The following RBM33 variants were observed in gnomAD, a reference collection of about 807,000 sequenced individuals.
RBM33 encodes RNA binding motif protein 33, also known as RNA-binding protein 33.
A neutral mutation model predicts 132.6 loss-of-function variants in RBM33; 28 were observed. The ratio of observed to expected loss-of-function variants is 0.21; its 90% CI spans 0.16 to 0.29. RBM33 has a LOEUF of 0.29. Ranked by LOEUF, RBM33 falls within the 10% of genes least tolerant of loss-of-function variation. The pLI is 1.00. For missense variants in RBM33, 1,291 were observed against 1,518.5 expected, an observed-to-expected ratio of 0.85 and a Z score of 2.49; for synonymous variants, 634 against 593.0, an observed-to-expected ratio of 1.07 and a Z score of -1.01.
intron 1 of RBM33, among the ~76,000 whole-genome samples, chr7:155,656,655 A>G (rs536855515): frequency 8.0e-4 from 122 of 152,364 alleles, no homozygotes; most frequent in African/African-American, 2.8e-3. Context: ...AGAAGAATTC[A>G]GCTGTTTTCT....
chr7:155,693,565 T>C (rs1277601294), intron 5 of RBM33, among the ~76,000 whole-genome samples: 1 of 152,144 alleles, frequency 6.6e-6, no homozygotes, highest in African/African-American at 2.4e-5. Context: ...GTATATTTAC[T>C]TTTTTTATCC....
In RBM33 at chr7:155,662,834, G is replaced by A. The variant is rs10215792; in HGVS notation, c.44-2341G>A. Among the ~76,000 whole-genome samples, 26 of 152,256 alleles carry A rather than the reference G, an allele frequency of 1.7e-4. No homozygotes were observed. In the East Asian group the frequency reaches 2.9e-3, roughly 17 times the overall value. The stretch of plus-strand genomic sequence containing the variant: ...TGGGGGTGGGATGGAAAATGCGGAC[G>A]AGGTCCTTGTCCTCCAGCTGGGAGC... On this transcript the variant is annotated intron_variant, in intron 1 of 17. Coordinates refer to ENST00000401878, the MANE Select transcript of RBM33 (RefSeq NM_053043.3).
At chr7:155,764,649 T>C (rs558423638) in intron 15 of RBM33, among the ~76,000 whole-genome samples, 1 of 152,346 alleles carries the variant, frequency 6.6e-6, no homozygotes, top group South Asian at 2.1e-4. Flanking sequence ...CCTCAGCTTC[T>C]AGTGAGGCAT....
rs779502819 is a variant in RBM33 at position 155,672,826 on chromosome 7, A to C, written c.123-41A>C. On this transcript the variant is annotated intron_variant, in intron 2 of 17. Coordinates refer to ENST00000401878, the MANE Select transcript of RBM33 (RefSeq NM_053043.3). The stretch of plus-strand genomic sequence containing the variant: ...AGTGATCTACAAACTTGCAAGTCTT[A>C]TGGGAATAATCATTGACATGTCTCT... The C allele has an allele frequency of 5.5e-6, 8 of 1,441,850 alleles. No homozygotes were observed. In the South Asian group the frequency reaches 7.5e-5, roughly 13 times the overall value. The allele number at this position is 1,441,850 out of a possible 1,614,324, so 89.3% of individuals were successfully genotyped here. A position where few individuals can be genotyped will look rare whatever the true frequency, so the allele number is the denominator to read the frequency against.
chr7:155,678,244 C>T (rs1799239674), intron 3 of RBM33, among the ~76,000 whole-genome samples: 1 of 152,176 alleles, frequency 6.6e-6, no homozygotes, highest in African/African-American at 2.4e-5. Context: ...TGGATATTAG[C>T]ATGTTAAATT....
At chr7:155,691,482 C>G (rs1024489978) in intron 5 of RBM33, among the ~76,000 whole-genome samples, 1 of 151,924 alleles carries the variant, frequency 6.6e-6, no homozygotes, top group Non-Finnish European at 1.5e-5. Flanking sequence ...TTTGTTTTTC[C>G]TTGTAATTTA....
intron 5 of RBM33, among the ~76,000 whole-genome samples, chr7:155,691,617 T>G (rs1039122348): frequency 3.3e-5 from 5 of 152,208 alleles, no homozygotes; most frequent in African/African-American, 1.2e-4. Context: ...ACGTAAACTT[T>G]TATTGCAAGG....
chr7:155,667,006 T>A (rs1798818756), intron 2 of RBM33, among the ~76,000 whole-genome samples: 1 of 152,176 alleles, frequency 6.6e-6, no homozygotes, highest in Non-Finnish European at 1.5e-5. Flanking sequence ...GACCTTCTCT[T>A]ACACTCATGA....
chr7:155,663,369 G>A (rs1343671991), intron 1 of RBM33, among the ~76,000 whole-genome samples: 1 of 152,054 alleles, frequency 6.6e-6, no homozygotes, highest in Non-Finnish European at 1.5e-5. Context: ...CGCCTGCTCA[G>A]TTTCTGGGGA....
chr7:155,740,962 A>G (rs559541865), intron 12 of RBM33, among the ~76,000 whole-genome samples: 2 of 152,186 alleles, frequency 1.3e-5, no homozygotes, highest in South Asian at 2.1e-4. Flanking sequence ...TTCTTTTGGT[A>G]TTGTCTTCTT....
intron 6 of RBM33, among the ~76,000 whole-genome samples, chr7:155,702,103 A>G (rs950507082): frequency 6.6e-6 from 1 of 152,216 alleles, no homozygotes; most frequent in South Asian, 2.1e-4. Flanking sequence ...AGGAGGACAC[A>G]GGGGCTCTGC....
intron 1 of RBM33, among the ~76,000 whole-genome samples, chr7:155,650,928 G>A (rs1367462639): frequency 6.6e-6 from 1 of 152,122 alleles, no homozygotes; most frequent in Non-Finnish European, 1.5e-5. Context: ...AGGCTGGAGT[G>A]TTGTAGTGGT....
intron 6 of RBM33, among the ~76,000 whole-genome samples, chr7:155,704,533 A>T (rs1332506127): frequency 6.6e-6 from 1 of 152,220 alleles, no homozygotes; most frequent in Non-Finnish European, 1.5e-5. Context: ...GTCACTGACC[A>T]GTGTCCCCCA....
chr7:155,673,940 G>GTTTTTTTTTTT lies in RBM33; in HGVS notation c.171+1047_171+1057dup, dbSNP rs71186053. ...TCATTATCAAGATAGTTTAGGCTTA[G>GTTTTTTTTTTT]TTTTTTTTTTTTTTTTTTTTTTTTT... On this transcript the variant is annotated intron_variant, in intron 3 of 17. Transcript: ENST00000401878. Among the ~76,000 whole-genome samples, 74 of 54,184 alleles carry GTTTTTTTTTTT rather than the reference G, an allele frequency of 1.4e-3. 2 individuals are homozygous for GTTTTTTTTTTT. Among genetic ancestry groups the GTTTTTTTTTTT allele is most frequent in the Non-Finnish European group, 1.7e-3 (52 of 30,828 alleles). The allele number at this position is 54,184 out of a possible 152,430, so 35.5% of individuals were successfully genotyped here. A position where few individuals can be genotyped will look rare whatever the true frequency, so the allele number is the denominator to read the frequency against.
chr7:155,773,036 T>C (rs1242485090), intron 16 of RBM33, among the ~76,000 whole-genome samples: 1 of 152,260 alleles, frequency 6.6e-6, no homozygotes, highest in Non-Finnish European at 1.5e-5. Flanking sequence ...TTTAGCTGTT[T>C]GCTTCCATTG....
chr7:155,653,778 T>TA (rs1402162151), intron 1 of RBM33, among the ~76,000 whole-genome samples: 2 of 152,194 alleles, frequency 1.3e-5, no homozygotes, highest in African/African-American at 2.4e-5. Flanking sequence ...AGTACGGTGT[T>TA]TTCCTGAGTC....
intron 6 of RBM33, among the ~76,000 whole-genome samples, chr7:155,703,109 C>T (rs1800014714): frequency 1.3e-5 from 2 of 152,204 alleles, no homozygotes. Flanking sequence ...CCACTAGTAA[C>T]ATCCTTGTTC....
At chr7:155,681,368 C>T (rs1289299966) in intron 5 of RBM33, among the ~76,000 whole-genome samples, 1 of 152,106 alleles carries the variant, frequency 6.6e-6, no homozygotes, top group Non-Finnish European at 1.5e-5. Flanking sequence ...CTGTCTAAAC[C>T]TGAATAAAGA....
chr7:155,734,004 C>G (rs1272115910), intron 9 of RBM33, among the ~76,000 whole-genome samples: 1 of 152,224 alleles, frequency 6.6e-6, no homozygotes, highest in Non-Finnish European at 1.5e-5. Flanking sequence ...ACACCTCATG[C>G]CAGCTGTTCC....
Sources: allele counts gnomAD v4.1 joint callset (sites outside exome capture counted in the v4.1 genomes callset), GRCh38; gene constraint gnomAD v4.1.1; transcripts MANE v1.5; gene names NCBI Gene and HGNC (gene_info 2026-07-23, HGNC 2026-07-21).